Variants in ZIC5 observed in about 807,000 individuals in gnomAD.
ZIC5 encodes the protein Zic family zinc finger 5.
ZIC5 carries 20 observed loss-of-function variants against 28.5 expected under a neutral mutation model. The ratio of observed to expected loss-of-function variants is 0.70; its 90% CI spans 0.49 to 1.02. ZIC5 has a LOEUF of 1.02. Ranked by LOEUF, ZIC5 falls within the 50% of genes least tolerant of loss-of-function variation. ZIC5 has a pLI of 0.00. For missense variants in ZIC5, 951 were observed against 899.7 expected (o/e 1.06, Z -0.73); for synonymous variants, 488 against 410.4 (o/e 1.19, Z -2.29).
chr13:99,970,092 C>A lies in ZIC5; in HGVS notation c.1477+35G>T, dbSNP rs372891511. ...GCGGCGGCGGCGCAGGAGCTGGTGG[C>A]GGCGGCGGCGGCGCGGCCGGGGACA... On this transcript the variant is annotated intron_variant, in intron 1 of 1. Coordinates refer to ENST00000267294, the MANE Select transcript of ZIC5 (RefSeq NM_033132.5). 1.7e-5 allele frequency: 27 copies of A among 1,592,514 alleles called. No individual in the cohort carries two copies. The African/African-American group carries it at 2.7e-4, about 16-fold the overall frequency.
chr13:99,971,069 G>T lies in ZIC5; in HGVS notation c.535C>A (p.Leu179Ile), dbSNP rs2053152864. The change falls in exon 1 of 2, where the codon CTT becomes ATT. Residue 179 changes from leucine to isoleucine, a missense_variant. Around this residue, in one of 3 missense-constraint regions of ZIC5, gnomAD observed 784 missense variants for 660.1 expected, o/e 1.19. Transcript: ENST00000267294. ...GCCGCCGCGGGGGCCGTGGCGGAAA[G>T]GTCCCTCCGGAGGACGAAGTCCCTG... The part of the protein sequence containing the change: ...HSRDFVLRRD[L>I]SATAPAAAMH... The T allele has an allele frequency of 4.2e-6, 6 of 1,428,570 alleles. No individual in the cohort carries two copies. Among genetic ancestry groups the T allele is most frequent in the Non-Finnish European group, 3.6e-6 (4 of 1,102,926 alleles). 88.5% of individuals were successfully genotyped at this position (1,428,570 alleles called of 1,614,324 possible).
upstream of ZIC5, chr13:99,971,876 C>A: frequency 1.5e-6 from 1 of 660,958 alleles, no homozygotes; most frequent in Non-Finnish European, 2.5e-6. Flanking sequence ...GATTGGCTCC[C>A]GTTCAGGCCC....
At position 99,965,428 on chromosome 13, in the gene ZIC5, A is replaced by G; in HGVS notation, c.1869T>C (p.Thr623=). The G allele has an allele frequency of 6.2e-7, 1 of 1,614,022 alleles. No individual in the cohort carries two copies. Among genetic ancestry groups the G allele is most frequent in the Non-Finnish European group, 8.5e-7 (1 of 1,179,996 alleles). Residue 623 remains threonine, a synonymous_variant, in exon 2 of 2, where the codon ACT becomes ACC. Coordinates refer to ENST00000267294, the MANE Select transcript of ZIC5 (RefSeq NM_033132.5). ...TPSSNGTTSE[T]EDEEIYGNPE... is the part of the protein sequence containing the mutation. Reference sequence around the variant, plus strand: ...GGTTCCCGTAAATTTCCTCATCTTCAGTCTCAGAGGTGGTTCCGTTGCTGG... The same window carrying G: ...GGTTCCCGTAAATTTCCTCATCTTCGGTCTCAGAGGTGGTTCCGTTGCTGG...
In ZIC5 at chr13:99,967,625, G is replaced by A. The variant is rs547481250; in HGVS notation, c.1478-1806C>T. On this transcript the variant is annotated intron_variant, in intron 1 of 1. Transcript: ENST00000267294. Reference sequence around the variant, plus strand: ...GCTGTTTTTGAGCATGGTCGTTTCTGTTCAACCTACATATCCCGGGTTGTG... The same window carrying A: ...GCTGTTTTTGAGCATGGTCGTTTCTATTCAACCTACATATCCCGGGTTGTG... 3.9e-5 allele frequency among the ~76,000 whole-genome samples: 6 copies of A among 152,282 alleles called. No individual in the cohort carries two copies. In the South Asian group the frequency reaches 1.2e-3, roughly 32 times the overall value.
chr13:99,971,772 A>C (rs1056937993), upstream of ZIC5: 2 of 1,478,474 alleles, frequency 1.4e-6, no homozygotes, highest in African/African-American at 2.8e-5. Context: ...CAGAGTGAAC[A>C]CCACATTTGA....
chr13:99,970,748 C>A lies in ZIC5; in HGVS notation c.856G>T (p.Asp286Tyr). The A allele has an allele frequency of 8.4e-7, 1 of 1,186,830 alleles. No individual in the cohort carries two copies. The highest frequency in any genetic ancestry group is 1.0e-6 in the Non-Finnish European group (1 of 959,262). The allele number at this position is 1,186,830 out of a possible 1,614,324, so 73.5% of individuals were successfully genotyped here. A position where few individuals can be genotyped will look rare whatever the true frequency, so the allele number is the denominator to read the frequency against. Residue 286 changes from aspartate to tyrosine, a missense_variant, in exon 1 of 2, where the codon GAC (aspartate) becomes TAC (tyrosine). This residue lies in a region of ZIC5 where 784 missense variants were observed against 660.1 expected (regional missense o/e 1.19). Transcript: ENST00000267294. Reference protein sequence around the residue: ...AEPPFAPRSGDAHYGAVAAAA... With the variant: ...AEPPFAPRSGYAHYGAVAAAA... ...GCCGCAACCGCCCCGTAGTGCGCGT[C>A]CCCAGAGCGCGGCGCGAAGGGCGGT...
intron 1 of ZIC5, among the ~76,000 whole-genome samples, chr13:99,968,881 C>G (rs989502363): frequency 6.6e-6 from 1 of 152,180 alleles, no homozygotes; most frequent in African/African-American, 2.4e-5. Context: ...GCCAAGGCTC[C>G]CGCCTCGGGC....
At position 99,971,618 on chromosome 13, in the gene ZIC5, C is replaced by G; in HGVS notation, c.-15G>C. ...GGGGGCTCCATCAGAACTACACAAT[C>G]AGGCCCATAGACCCTCACTGGGGGG... On this transcript the variant is annotated 5_prime_UTR_variant, in exon 1 of 2. Coordinates refer to ENST00000267294, the MANE Select transcript of ZIC5 (RefSeq NM_033132.5). 1 of 1,559,988 alleles carries G rather than the reference C, an allele frequency of 6.4e-7. No individual in the cohort carries two copies. Among genetic ancestry groups the G allele is most frequent in the Middle Eastern group, 1.7e-4 (1 of 6,000 alleles).
Position 99,970,736 on chromosome 13 carries a change from C to T in ZIC5, c.868G>A (p.Gly290Arg). Reference protein sequence around the residue: ...FAPRSGDAHYGAVAAAAAAAL... With the variant: ...FAPRSGDAHYRAVAAAAAAAL... ...GCCGCCGCTGCGGCCGCAACCGCCC[C>T]GTAGTGCGCGTCCCCAGAGCGCGGC... is the stretch of plus-strand genomic sequence containing the variant. Residue 290 changes from glycine to arginine, a missense_variant, in exon 1 of 2, where the codon GGG becomes AGG. Physicochemically the swap from Gly to Arg is moderately radical, Grantham distance 125. Around this residue, in one of 3 missense-constraint regions of ZIC5, gnomAD observed 784 missense variants for 660.1 expected, o/e 1.19. Transcript: ENST00000267294. The T allele has an allele frequency of 1.7e-6, 2 of 1,198,664 alleles. No homozygotes were observed. The highest frequency in any genetic ancestry group is 2.1e-6 in the Non-Finnish European group (2 of 964,192). 74.3% of individuals were successfully genotyped at this position (1,198,664 alleles called of 1,614,324 possible).
chr13:99,971,495 C>T lies in ZIC5; in HGVS notation c.109G>A (p.Gly37Ser). Residue 37 changes from glycine (G) to serine (S), a missense_variant, in exon 1 of 2, where the codon GGC (glycine) becomes AGC (serine). Gly to Ser is a moderately conservative substitution (Grantham distance 56). Transcript: ENST00000267294. ...QNMTGFPALAGPPAHSQLRAA... is the reference protein window; with the variant it reads ...QNMTGFPALASPPAHSQLRAA... ...CGGAGTTGGGAGTGGGCGGGCGGGC[C>T]GGCCAGCGCCGGGAAGCCTGTCATA... 6.4e-7 allele frequency: 1 copy of T among 1,550,708 alleles called. No homozygotes were observed. Among genetic ancestry groups the T allele is most frequent in the South Asian group, 1.2e-5 (1 of 84,060 alleles).
intron 1 of ZIC5, 31 bp from the exon 2 acceptor site, chr13:99,965,850 G>A: frequency 6.3e-7 from 1 of 1,582,894 alleles, no homozygotes; most frequent in South Asian, 1.2e-5. Context: ...GGTCAACAAT[G>A]GCTTTCCAAG....
At chr13:99,968,441 C>G (rs933369076) in intron 1 of ZIC5, among the ~76,000 whole-genome samples, 3 of 152,108 alleles carry the variant, frequency 2.0e-5, no homozygotes, top group Non-Finnish European at 4.4e-5. Flanking sequence ...CGCGCCCCCC[C>G]CGACCCCACG....
rs762969935 is a variant in ZIC5, at chr13:99,971,036, C to T, written c.568G>A (p.Gly190Arg). The T allele has an allele frequency of 7.0e-7, 1 of 1,419,494 alleles. No individual in the cohort carries two copies. Among genetic ancestry groups the T allele is most frequent in the Admixed American group, 3.6e-5 (1 of 27,992 alleles). The allele number at this position is 1,419,494 out of a possible 1,614,324, so 87.9% of individuals were successfully genotyped here. A position where few individuals can be genotyped will look rare whatever the true frequency, so the allele number is the denominator to read the frequency against. The change falls in exon 1 of 2, where the codon GGG (glycine) becomes AGG (arginine). Residue 190 changes from glycine to arginine, a missense_variant. By Grantham distance (125) the Gly-to-Arg change is moderately radical. Around this residue, in one of 3 missense-constraint regions of ZIC5, gnomAD observed 784 missense variants for 660.1 expected, o/e 1.19. Coordinates refer to ENST00000267294, the MANE Select transcript of ZIC5 (RefSeq NM_033132.5). The stretch of plus-strand genomic sequence containing the variant: ...CGCTGCTCCCCTCCGAGCGGGGCCC[C>T]GTGCATGGCCGCCGCGGGGGCCGTG... ...SATAPAAAMH[G>R]APLGGEQRSG...
chr13:99,970,290 C>T lies in ZIC5; in HGVS notation c.1314G>A (p.Trp438Ter). Reference protein sequence around the residue: ...GPEQSSHVCFWEDCPREGKPF... With the variant: ...GPEQSSHVCF ...GCTTGCCCTCGCGCGGACAGTCCTCCCAGAAGCAGACGTGGCTGCTCTGCT... is the reference window on the plus strand; with the variant it reads ...GCTTGCCCTCGCGCGGACAGTCCTCTCAGAAGCAGACGTGGCTGCTCTGCT... The change falls in exon 1 of 2, where the codon TGG becomes TGA. Residue 438 changes from tryptophan (W) to a stop codon, truncating the protein, a stop_gained. Transcript: ENST00000267294. LOFTEE classifies it high-confidence loss of function. The T allele has an allele frequency of 6.2e-7, 1 of 1,613,736 alleles. No homozygotes were observed. The highest frequency in any genetic ancestry group is 8.5e-7 in the Non-Finnish European group (1 of 1,179,822).
Position 99,963,557 on chromosome 13 carries a change from T to C in ZIC5, c.*1820A>G, listed in dbSNP as rs566841222. 11 of 152,622 alleles carry C rather than the reference T, an allele frequency of 7.2e-5. No individual in the cohort carries two copies. The highest frequency in any genetic ancestry group is 2.6e-4 in the African/African-American group (11 of 41,556). The allele number at this position is 152,622 out of a possible 1,614,324, so 9.5% of individuals were successfully genotyped here. A position where few individuals can be genotyped will look rare whatever the true frequency, so the allele number is the denominator to read the frequency against. On this transcript the variant is annotated 3_prime_UTR_variant, in exon 2 of 2. Coordinates refer to ENST00000267294, the MANE Select transcript of ZIC5 (RefSeq NM_033132.5). ...TAATATAATATATCTATAAACTATA[T>C]ATAATCTTATCAACACAATGCAAAA... is the stretch of plus-strand genomic sequence containing the variant.
At chr13:99,969,371 TGA>T (rs1447701317) in intron 1 of ZIC5, among the ~76,000 whole-genome samples, 1 of 152,060 alleles carries the variant, frequency 6.6e-6, no homozygotes, top group Non-Finnish European at 1.5e-5. Flanking sequence ...ATACTGCGTG[TGA>T]GAGGGCGCGT....
chr13:99,963,701 A>T lies in ZIC5; in HGVS notation c.*1676T>A, dbSNP rs1404237360. The T allele has an allele frequency of 1.3e-5, 2 of 152,334 alleles. No homozygotes were observed. The highest frequency in any genetic ancestry group is 2.9e-5 in the Non-Finnish European group (2 of 67,976). 9.4% of individuals were successfully genotyped at this position (152,334 alleles called of 1,614,324 possible). On this transcript the variant is annotated 3_prime_UTR_variant, in exon 2 of 2. Coordinates refer to ENST00000267294, the MANE Select transcript of ZIC5 (RefSeq NM_033132.5). ...AAATAAACCATGGATCATAAATGAC[A>T]ATCTTTCACCAAAATGTATAATATA...
rs543784915 is a variant in ZIC5 at position 99,970,215 on chromosome 13, G to T, written c.1389C>A (p.Gly463=). The T allele has an allele frequency of 6.2e-7, 1 of 1,613,618 alleles. No individual in the cohort carries two copies. Among genetic ancestry groups the T allele is most frequent in the African/African-American group, 1.3e-5 (1 of 74,952 alleles). ...KLINHIRVHT[G]EKPFPCPFPG... Reference sequence around the variant, plus strand: ...GGAAAGGGCAGGGAAAGGGCTTCTCGCCGGTGTGCACGCGGATGTGGTTGA... The same window carrying T: ...GGAAAGGGCAGGGAAAGGGCTTCTCTCCGGTGTGCACGCGGATGTGGTTGA... Residue 463 remains glycine, a synonymous_variant, in exon 1 of 2, where the codon GGC becomes GGA. Transcript: ENST00000267294.
Position 99,965,816 on chromosome 13 carries a change from TC to T in ZIC5, c.1480del (p.Glu494LysfsTer51). 6.2e-7 allele frequency: 1 copy of T among 1,610,294 alleles called. No individual in the cohort carries two copies. The highest frequency in any genetic ancestry group is 8.5e-7 in the Non-Finnish European group (1 of 1,177,390). ...LKIHKRTHTG[E>X]KPFKCEFDGC... ...ATCAAATTCACATTTGAAAGGCTTT[TC>T]CCCTGCAAGGAAACACAGGAAAGGT... On this transcript the variant is annotated frameshift_variant and splice_region_variant, in exon 2 of 2. Coordinates refer to ENST00000267294, the MANE Select transcript of ZIC5 (RefSeq NM_033132.5). LOFTEE classifies it high-confidence loss of function.
Sources: allele counts gnomAD v4.1 joint callset (sites outside exome capture counted in the v4.1 genomes callset), GRCh38; gene constraint gnomAD v4.1.1; regional missense constraint gnomAD v4.1.1; transcripts MANE v1.5; gene names NCBI Gene and HGNC (gene_info 2026-07-23, HGNC 2026-07-21).